The following MEG3 variants were observed in gnomAD, a reference collection of about 807,000 sequenced individuals.
MEG3 encodes Very putative protein from MEG3 locus.
At chr14:100,850,472 G>C (rs565292351) in intron 3 of MEG3, 21 of 152,264 alleles carry the variant, frequency 1.4e-4, no homozygotes, top group African/African-American at 5.1e-4. Flanking sequence ...GGTGGCACCT[G>C]TCTGTAATCC....
intron 1 of MEG3, among the ~76,000 whole-genome samples, chr14:100,826,527 C>T (rs1462076520): frequency 6.6e-6 from 1 of 152,158 alleles, no homozygotes; most frequent in African/African-American, 2.4e-5. Flanking sequence ...CTCTTGGATT[C>T]GGGTATACGG....
chr14:100,854,624 T>C (rs1372242231), upstream of MEG3: 1 of 152,426 alleles, frequency 6.6e-6, no homozygotes, highest in Non-Finnish European at 1.5e-5. Flanking sequence ...ATAAAACCCC[T>C]GTGGGACAGG....
intron 3 of MEG3, chr14:100,847,322 G>GTGGA (rs1470378080): frequency 1.3e-5 from 2 of 152,252 alleles, no homozygotes; most frequent in Non-Finnish European, 2.9e-5. Flanking sequence ...CATTGCGTGT[G>GTGGA]TGGATGGATG....
intron 3 of MEG3, chr14:100,850,261 A>G (rs1337368005): frequency 6.6e-6 from 1 of 152,224 alleles, no homozygotes; most frequent in Non-Finnish European, 1.5e-5. Flanking sequence ...GGGAGCCCTG[A>G]TTCATGGGAT....
upstream of MEG3, chr14:100,855,976 G>A (rs935880604): frequency 2.6e-5 from 4 of 152,220 alleles, no homozygotes; most frequent in African/African-American, 9.6e-5. Flanking sequence ...AGAGCCAGGG[G>A]GTTCCAAGAT....
chr14:100,826,751 C>A (rs1057060000), intron 1 of MEG3, among the ~76,000 whole-genome samples: 1 of 152,096 alleles, frequency 6.6e-6, no homozygotes, highest in Non-Finnish European at 1.5e-5. Context: ...GGTTCCTCTT[C>A]GCGAGGTTTT....
chr14:100,848,180 T>G (rs2037972127), intron 3 of MEG3: 1 of 152,094 alleles, frequency 6.6e-6, no homozygotes, highest in Admixed American at 6.6e-5. Context: ...TGCATGCAGA[T>G]TTAAGACAGA....
At position 100,845,196 on chromosome 14, in the gene MEG3, G is replaced by A. The variant is rs2037880914; in HGVS notation, n.3046-262G>A. 6.6e-6 allele frequency among the ~76,000 whole-genome samples: 1 copy of A among 152,188 alleles called. No individual in the cohort carries two copies. Among genetic ancestry groups the A allele is most frequent in the African/African-American group, 2.4e-5 (1 of 41,450 alleles). ...TAAGCCTTTGGGTCCCACAGAGCAC[G>A]ACTTCGCTCCGTGAACAGCACCAAC... On this transcript the variant is annotated intron_variant and non_coding_transcript_variant, in intron 2 of 3. Coordinates refer to the MEG3 transcript ENST00000398461. The surrounding 1 kb of genome is among the most constrained non-coding windows in gnomAD (Gnocchi z 5.2).
chr14:100,851,895 G>A, intron 3 of MEG3: 1 of 162,092 alleles, frequency 6.2e-6, no homozygotes, highest in South Asian at 1.6e-4. Flanking sequence ...TCTCTGTAGT[G>A]GAGGAAATGT....
downstream of MEG3, chr14:100,832,223 GA>G (rs1444941321): frequency 6.6e-6 from 1 of 152,154 alleles, no homozygotes; most frequent in Non-Finnish European, 1.5e-5. Flanking sequence ...CAAATGGGAA[GA>G]AGGTTTTAAA....
chr14:100,842,884 C>G (rs1416099040), intron 2 of MEG3, among the ~76,000 whole-genome samples: 2 of 152,228 alleles, frequency 1.3e-5, no homozygotes, highest in Admixed American at 1.3e-4. Flanking sequence ...ATGAGGTCTT[C>G]CATCAAATGC....
chr14:100,827,580 T>C (rs992859909), intron 1 of MEG3: 2 of 152,462 alleles, frequency 1.3e-5, no homozygotes, highest in Non-Finnish European at 2.9e-5. Context: ...TAGGAAGGTG[T>C]GGCTCATTTG....
intron 3 of MEG3, chr14:100,852,036 A>T (rs964550112): frequency 5.7e-5 from 15 of 263,824 alleles, no homozygotes; most frequent in Non-Finnish European, 1.5e-5. Context: ...GAGCAGTAGG[A>T]GCACAGCTTG....
exon 1 of MEG3, chr14:100,857,711 G>T (rs1943919259): frequency 6.6e-6 from 1 of 152,240 alleles, no homozygotes; most frequent in South Asian, 2.1e-4. Context: ...GTAGCTGGCA[G>T]GGCCGTTGTG....
intron 2 of MEG3, among the ~76,000 whole-genome samples, chr14:100,839,293 A>G (rs2037681380): frequency 6.6e-6 from 1 of 152,042 alleles, no homozygotes; most frequent in South Asian, 2.1e-4. Context: ...TCTTTTTAGG[A>G]GACTGGAATT....
At chr14:100,826,871 G>T (rs1460515818) in intron 1 of MEG3, among the ~76,000 whole-genome samples, 1 of 152,114 alleles carries the variant, frequency 6.6e-6, no homozygotes, top group Non-Finnish European at 1.5e-5. Context: ...TTTCACAGTG[G>T]AGAGAGATGG....
At chr14:100,852,441 G>A (rs755576322), upstream of MEG3, 2 of 533,784 alleles carry the variant, frequency 3.7e-6, no homozygotes, top group Admixed American at 1.9e-5. Context: ...ACATGAGCTG[G>A]GCCTCGTGGG....
chr14:100,837,822 G>A lies in MEG3; in HGVS notation n.3045+1522G>A, dbSNP rs569906221. The stretch of plus-strand genomic sequence containing the variant: ...TTATTTTTAAACAAAATCTGGCAGC[G>A]TAGGCAGAGGGGGCAGAGGCGCTCT... On this transcript the variant is annotated intron_variant and non_coding_transcript_variant, in intron 2 of 3. Coordinates refer to the MEG3 transcript ENST00000398461. This position sits in a 1 kb window ranked among gnomAD's most constrained non-coding sequence, Gnocchi z 5.8. Among the ~76,000 whole-genome samples the A allele has an allele frequency of 1.9e-4, 29 of 152,258 alleles. No individual in the cohort carries two copies. Among genetic ancestry groups the A allele is most frequent in the Non-Finnish European group, 3.2e-4 (22 of 68,032 alleles).
rs370847475 is a variant in MEG3 at position 100,835,270 on chromosome 14, GC to G, written n.2309del. The G allele has an allele frequency of 7.4e-3, 1,174 of 158,932 alleles. 11 individuals are homozygous for G. The highest frequency in any genetic ancestry group is 8.8e-3 in the Non-Finnish European group (638 of 72,506). The allele number at this position is 158,932 out of a possible 1,614,324, so 9.8% of individuals were successfully genotyped here. A position where few individuals can be genotyped will look rare whatever the true frequency, so the allele number is the denominator to read the frequency against. The stretch of plus-strand genomic sequence containing the variant: ...GGGCACGGGAACAGCTGTAGTGTGT[GC>G]CCCCCCGGGCTTTGGCCACAGGTCT... On this transcript the variant is annotated non_coding_transcript_exon_variant, in exon 1 of 4. Transcript: ENST00000398461.
Sources: allele counts gnomAD v4.1 joint callset (sites outside exome capture counted in the v4.1 genomes callset), GRCh38; gene constraint gnomAD v4.1.1; non-coding constraint Gnocchi (gnomAD v3.1); transcripts MANE v1.5; gene names NCBI Gene and HGNC (gene_info 2026-07-23, HGNC 2026-07-21).